Variants in MAGI2 observed in about 807,000 individuals in gnomAD.
MAGI2 encodes membrane-associated guanylate kinase, WW and PDZ domain-containing protein 2.
Under a neutral mutation model 133.3 loss-of-function variants are expected in MAGI2, and 35 were observed. The observed-to-expected ratio is 0.26, with a 90% CI of 0.20 to 0.35. The LOEUF (loss-of-function observed/expected upper bound fraction) is 0.35, where lower values mean the gene tolerates loss of function less well. MAGI2 is among the 10% of genes least tolerant of loss of function. The pLI is 1.00. For missense variants in MAGI2, 1,636 were observed against 1,863.4 expected (o/e 0.88, Z 2.25); for synonymous variants, 729 against 710.6 (o/e 1.03, Z -0.41).
Position 79,109,882 on chromosome 7 carries a change from T to C in MAGI2, c.302-102676A>G, listed in dbSNP as rs954233943. Among the ~76,000 whole-genome samples, 6 of 151,456 alleles carry C rather than the reference T, an allele frequency of 4.0e-5. 1 individual carries two copies. The Admixed American group carries it at 4.0e-4, about 10-fold the overall frequency. On this transcript the variant is annotated intron_variant, in intron 1 of 21. Transcript: ENST00000354212. ...TCTTCACTCTTGCACTCTGTGTGCC[T>C]ACTACCAGTATGATCACAAAGGTCC...
intron 1 of MAGI2, among the ~76,000 whole-genome samples, chr7:79,330,240 C>T (rs1254079814): frequency 1.6e-5 from 2 of 121,564 alleles, no homozygotes; most frequent in African/African-American, 3.2e-5. Flanking sequence ...GTTCCCCAGG[C>T]TGGAGTGCAG....
chr7:78,496,072 T>C (rs1274843388), intron 5 of MAGI2, among the ~76,000 whole-genome samples: 1 of 152,208 alleles, frequency 6.6e-6, no homozygotes, highest in African/African-American at 2.4e-5. Flanking sequence ...GTATTTTATC[T>C]TTTCTTTAAT....
At chr7:78,280,717 C>T (rs1562741925) in intron 9 of MAGI2, among the ~76,000 whole-genome samples, 2 of 152,058 alleles carry the variant, frequency 1.3e-5, no homozygotes, top group Non-Finnish European at 2.9e-5. Flanking sequence ...AAAGCCTTGA[C>T]ACTCAGACTG....
At chr7:78,704,435 T>C (rs1182921523) in intron 2 of MAGI2, among the ~76,000 whole-genome samples, 1 of 152,104 alleles carries the variant, frequency 6.6e-6, no homozygotes, top group Non-Finnish European at 1.5e-5. Flanking sequence ...AGTGAAGTTG[T>C]GGAGAAAAGG....
At chr7:78,691,500 G>C (rs1816950293) in intron 2 of MAGI2, among the ~76,000 whole-genome samples, 1 of 152,172 alleles carries the variant, frequency 6.6e-6, no homozygotes, top group South Asian at 2.1e-4. Flanking sequence ...CCTGAAGTGG[G>C]TGAGAGCCTT....
At chr7:79,073,040 C>CA (rs1208052064) in intron 1 of MAGI2, among the ~76,000 whole-genome samples, 1 of 151,686 alleles carries the variant, frequency 6.6e-6, no homozygotes, top group African/African-American at 2.4e-5. Context: ...CAAAAACAAA[C>CA]AACAACAACA....
At chr7:78,993,869 G>A (rs1425311401) in intron 2 of MAGI2, among the ~76,000 whole-genome samples, 2 of 151,918 alleles carry the variant, frequency 1.3e-5, no homozygotes, top group East Asian at 1.9e-4. Context: ...TAAGAGCTTC[G>A]CAGAAGTTAA....
At chr7:78,880,189 A>G (rs1290612979) in intron 2 of MAGI2, among the ~76,000 whole-genome samples, 1 of 152,226 alleles carries the variant, frequency 6.6e-6, no homozygotes, top group Non-Finnish European at 1.5e-5. Flanking sequence ...GTCTTCCTAG[A>G]GAGGTAGATA....
At chr7:78,062,157 C>T (rs1458474315) in intron 21 of MAGI2, among the ~76,000 whole-genome samples, 1 of 152,184 alleles carries the variant, frequency 6.6e-6, no homozygotes, top group Non-Finnish European at 1.5e-5. Flanking sequence ...TCTTACTCAT[C>T]TTTGCACTCT....
chr7:79,402,695 C>T (rs1284731880), intron 1 of MAGI2, among the ~76,000 whole-genome samples: 1 of 152,128 alleles, frequency 6.6e-6, no homozygotes, highest in Admixed American at 6.6e-5. Flanking sequence ...GGCGCAGTGG[C>T]TCACACCTGT....
At chr7:78,570,437 G>T (rs1182349934) in intron 3 of MAGI2, among the ~76,000 whole-genome samples, 1 of 152,126 alleles carries the variant, frequency 6.6e-6, no homozygotes, top group Non-Finnish European at 1.5e-5. Context: ...GTGGGGAAGA[G>T]AAGAGAGAAA....
At chr7:78,147,679 T>C (rs1380440398) in intron 16 of MAGI2, among the ~76,000 whole-genome samples, 1 of 151,778 alleles carries the variant, frequency 6.6e-6, no homozygotes, top group Non-Finnish European at 1.5e-5. Context: ...GATATGCAGA[T>C]GGAAAAAAGC....
At chr7:79,335,694 C>G (rs1341761397) in intron 1 of MAGI2, among the ~76,000 whole-genome samples, 1 of 151,670 alleles carries the variant, frequency 6.6e-6, no homozygotes, top group Non-Finnish European at 1.5e-5. Context: ...ATCTTTTTGA[C>G]AAAATTATTT....
chr7:79,415,358 C>G (rs1042091942), intron 1 of MAGI2: 30 of 152,122 alleles, frequency 2.0e-4, no homozygotes, highest in African/African-American at 7.0e-4. Flanking sequence ...CTGGAAATAG[C>G]ACAGTCTTGA....
intron 6 of MAGI2, among the ~76,000 whole-genome samples, chr7:78,433,744 A>G: frequency 6.6e-6 from 1 of 152,186 alleles, no homozygotes; most frequent in East Asian, 1.9e-4. Context: ...AAAGTACAAA[A>G]TATTATTTAA....
At chr7:78,405,890 C>T (rs1797331765) in intron 6 of MAGI2, among the ~76,000 whole-genome samples, 1 of 146,636 alleles carries the variant, frequency 6.8e-6, no homozygotes, top group South Asian at 2.2e-4. Context: ...GTATCTGTAC[C>T]ATGTGCCTAG....
At chr7:78,768,079 C>A (rs79842339) in intron 2 of MAGI2, among the ~76,000 whole-genome samples, 1,848 of 152,282 alleles carry the variant, frequency 0.012, 45 homozygotes, top group African/African-American at 0.042. Context: ...GATTGTGATT[C>A]TTTTATATGT....
At chr7:79,273,172 C>G (rs1044580860) in intron 1 of MAGI2, among the ~76,000 whole-genome samples, 4 of 151,988 alleles carry the variant, frequency 2.6e-5, no homozygotes, top group African/African-American at 4.8e-5. Context: ...CAGAGTCTTA[C>G]GTAGGGATGC....
chr7:78,967,657 T>G (rs554376097), intron 2 of MAGI2, among the ~76,000 whole-genome samples: 1 of 152,168 alleles, frequency 6.6e-6, no homozygotes, highest in East Asian at 1.9e-4. Flanking sequence ...AATTTCATTC[T>G]TTTGCATGTG....
Sources: allele counts gnomAD v4.1 joint callset (sites outside exome capture counted in the v4.1 genomes callset), GRCh38; gene constraint gnomAD v4.1.1; transcripts MANE v1.5; gene names NCBI Gene and HGNC (gene_info 2026-07-23, HGNC 2026-07-21).